The following WDR90 variants were observed in gnomAD, a reference collection of about 807,000 sequenced individuals.
WDR90 encodes the protein WD repeat-containing protein 90.
A neutral mutation model predicts 195.2 loss-of-function variants in WDR90; 238 were observed. The observed-to-expected ratio is 1.22, with a 90% CI of 1.10 to 1.36. WDR90 has a LOEUF of 1.36. Ranked by LOEUF, WDR90 falls within the 40% of genes most tolerant of loss-of-function variation. WDR90 has a pLI of 0.00. For synonymous variants in WDR90, 1,265 were observed against 1,052.4 expected, an observed-to-expected ratio of 1.20 and a Z score of -3.91; for missense variants, 2,734 against 2,439.5, an observed-to-expected ratio of 1.12 and a Z score of -2.54.
intron 31 of WDR90, 33 bp from the exon 32 acceptor site, chr16:661,858 T>A: frequency 1.3e-6 from 2 of 1,598,064 alleles, no homozygotes; most frequent in Non-Finnish European, 1.7e-6. Flanking sequence ...CCCGGGACAC[T>A]GCTGACCCAT....
At position 659,491 on chromosome 16, in the gene WDR90, C is replaced by T. The variant is rs566148280; in HGVS notation, c.3184+115C>T. The T allele has an allele frequency of 4.6e-5, 64 of 1,383,914 alleles. 2 individuals carry two copies. The South Asian group carries it at 7.3e-4, about 16-fold the overall frequency. The allele number at this position is 1,383,914 out of a possible 1,614,324, so 85.7% of individuals were successfully genotyped here. A position where few individuals can be genotyped will look rare whatever the true frequency, so the allele number is the denominator to read the frequency against. ...CTCTGGGGTGCAGGTGCCATCGCTG[C>T]TCATCAGGTGGAACACAGTGGGGTC... On this transcript the variant is annotated intron_variant, in intron 26 of 40. Transcript: ENST00000293879.
Position 657,747 on chromosome 16 carries a change from C to T in WDR90, c.2474-15C>T, listed in dbSNP as rs1169854419. 4 of 1,539,970 alleles carry T rather than the reference C, an allele frequency of 2.6e-6. No homozygotes were observed. The highest frequency in any genetic ancestry group is 2.8e-5 in the African/African-American group (2 of 72,530). On this transcript the variant is annotated splice_polypyrimidine_tract_variant and intron_variant, in intron 20 of 40. Coordinates refer to ENST00000293879, the MANE Select transcript of WDR90 (RefSeq NM_145294.5). Reference sequence around the variant, plus strand: ...CACTCCCCACCCAGCTGACCCCTGCCCCGTGTGGCCACAGCGGACATGGTA... The same window carrying T: ...CACTCCCCACCCAGCTGACCCCTGCTCCGTGTGGCCACAGCGGACATGGTA...
At chr16:655,515 G>A in intron 15 of WDR90, 47 bp downstream of exon 15, 5 of 1,542,752 alleles carry the variant, frequency 3.2e-6, no homozygotes, top group Non-Finnish European at 4.4e-6. Flanking sequence ...TGGGGGCCCT[G>A]GTGCCTGGGC....
Position 657,833 on chromosome 16 carries a change from G to A in WDR90, c.2545G>A (p.Ala849Thr). 1 of 1,581,504 alleles carries A rather than the reference G, an allele frequency of 6.3e-7. No individual in the cohort carries two copies. The highest frequency in any genetic ancestry group is 1.2e-5 in the South Asian group (1 of 86,844). ...AGTCAGCAGGGATGGCCGCCTGCTG[G>A]CCTTTGTGGGACCCTCCAGGTGCAC... Reference protein sequence around the residue: ...LAVSRDGRLLAFVGPSRCTVT... With the variant: ...LAVSRDGRLLTFVGPSRCTVT... Residue 849 changes from alanine to threonine, a missense_variant, in exon 21 of 41, where the codon GCC becomes ACC. Physicochemically the swap from Ala to Thr is moderately conservative, Grantham distance 58. Coordinates refer to ENST00000293879, the MANE Select transcript of WDR90 (RefSeq NM_145294.5).
chr16:654,906 C>G (rs751760544), intron 13 of WDR90, 123 bp from the exon 14 acceptor site: 27 of 863,782 alleles, frequency 3.1e-5, no homozygotes, highest in South Asian at 3.0e-4. Context: ...CACGGCCGCA[C>G]GCTCAGAGGC....
At chr16:651,569 C>G (rs2037646933) in intron 7 of WDR90, 75 bp from the exon 8 acceptor site, 1 of 1,450,938 alleles carries the variant, frequency 6.9e-7, no homozygotes, top group South Asian at 1.2e-5. Flanking sequence ...TGCTGCTGCC[C>G]TCCCCAGGCG....
chr16:662,440 G>T (rs1005819324), intron 33 of WDR90, 109 bp downstream of exon 33: 6 of 1,362,898 alleles, frequency 4.4e-6, no homozygotes, highest in Non-Finnish European at 6.0e-6. Flanking sequence ...CAGACCGGCC[G>T]CCTGCTAGCC....
intron 34 of WDR90, 112 bp from the exon 35 acceptor site, chr16:665,567 G>A (rs1343008308): frequency 5.8e-6 from 9 of 1,550,312 alleles, no homozygotes; most frequent in Middle Eastern, 1.7e-4. Context: ...GGGGCCAGAG[G>A]CACATGCTCT....
At chr16:654,675 C>T in intron 13 of WDR90, 1 of 292,200 alleles carries the variant, frequency 3.4e-6, no homozygotes. Flanking sequence ...GTCTCAAACT[C>T]CAGGGCTCAA....
intron 33 of WDR90, 157 bp downstream of exon 33, chr16:662,488 C>A: frequency 8.3e-7 from 1 of 1,198,526 alleles, no homozygotes; most frequent in Middle Eastern, 2.9e-4. Context: ...CTGGGCCTCA[C>A]TGGCTGCTGT....
In WDR90 at chr16:661,077, C is replaced by CTGG. The variant is rs755588923; in HGVS notation, c.3428_3430dup (p.Val1143dup). On this transcript the variant is annotated inframe_insertion, in exon 29 of 41. Coordinates refer to ENST00000293879, the MANE Select transcript of WDR90 (RefSeq NM_145294.5). ...CTTCTTTGCCTACACGTGCGGCCGC[C>CTGG]TGGTGGTGGTGGAGGACCTGCACTC... 46 of 1,455,802 alleles carry CTGG rather than the reference C, an allele frequency of 3.2e-5. No individual in the cohort carries two copies. Among genetic ancestry groups the CTGG allele is most frequent in the South Asian group, 1.1e-4 (9 of 81,730 alleles). 90.2% of individuals were successfully genotyped at this position (1,455,802 alleles called of 1,614,324 possible).
chr16:662,152 G>T (rs560822316), intron 32 of WDR90, 68 bp from the exon 33 acceptor site: 2 of 1,528,994 alleles, frequency 1.3e-6, no homozygotes, highest in Admixed American at 2.0e-5. Context: ...CCTGGCGTCC[G>T]GGCAGCCTTG....
In WDR90 at chr16:660,103, T is replaced by G. The variant is rs1355557081; in HGVS notation, c.3230T>G (p.Leu1077Arg). The change falls in exon 27 of 41, where the codon CTG (leucine) becomes CGG (arginine). Residue 1077 changes from leucine to arginine, a missense_variant. Leu to Arg is a moderately radical substitution (Grantham distance 102, BLOSUM62 -2). Transcript: ENST00000293879. ...TCGGGGGCCCCACGCACCACCTACCTGGCTTCCTGCAAGGCCTTCACGCCT... is the reference window on the plus strand; with the variant it reads ...TCGGGGGCCCCACGCACCACCTACCGGGCTTCCTGCAAGGCCTTCACGCCT... ...RNSGAPRTTYLASCKAFTPAR... is the reference protein window; with the variant it reads ...RNSGAPRTTYRASCKAFTPAR... 2.6e-6 allele frequency: 4 copies of G among 1,548,354 alleles called. No individual in the cohort carries two copies. Among genetic ancestry groups the G allele is most frequent in the African/African-American group, 1.4e-5 (1 of 73,308 alleles).
chr16:666,928 C>CT lies in WDR90; in HGVS notation c.5034dup (p.Ala1679CysfsTer19), dbSNP rs781254658. The CT allele has an allele frequency of 8.9e-5, 144 of 1,612,958 alleles. No individual in the cohort carries two copies. Among genetic ancestry groups the CT allele is most frequent in the Non-Finnish European group, 1.1e-4 (132 of 1,179,792 alleles). On this transcript the variant is annotated frameshift_variant, in exon 40 of 41. Coordinates refer to ENST00000293879, the MANE Select transcript of WDR90 (RefSeq NM_145294.5). LOFTEE classifies it high-confidence loss of function. ...AGGTGGTGGAGAAGATACCACTGCC[C>CT]TTTTTTGCCATGTCCCTGAGCCTGT...
upstream of WDR90, chr16:649,354 T>A: frequency 7.6e-7 from 1 of 1,321,106 alleles, no homozygotes; most frequent in Admixed American, 4.1e-5. Flanking sequence ...TTGCCTGGCG[T>A]CGCGGGGCGT....
Position 661,087 on chromosome 16 carries a change from T to C in WDR90, c.3428T>C (p.Val1143Ala). The C allele has an allele frequency of 6.9e-7, 1 of 1,450,748 alleles. No individual in the cohort carries two copies. The highest frequency in any genetic ancestry group is 4.0e-5 in the East Asian group (1 of 25,044). 89.9% of individuals were successfully genotyped at this position (1,450,748 alleles called of 1,614,324 possible). Residue 1143 changes from valine to alanine, a missense_variant, in exon 29 of 41, where the codon GTG becomes GCG. Physicochemically the swap from Val to Ala is moderately conservative, Grantham distance 64. Transcript: ENST00000293879. ...FAYTCGRLVV[V>A]EDLHSGAQQH... Reference sequence around the variant, plus strand: ...TACACGTGCGGCCGCCTGGTGGTGGTGGAGGACCTGCACTCTGGCGCCCAG... The same window carrying C: ...TACACGTGCGGCCGCCTGGTGGTGGCGGAGGACCTGCACTCTGGCGCCCAG...
At chr16:655,224 C>G (rs750902713) in intron 14 of WDR90, 77 bp downstream of exon 14, 13 of 1,612,086 alleles carry the variant, frequency 8.1e-6, no homozygotes, top group South Asian at 3.3e-5. Flanking sequence ...GCACCTCCCC[C>G]TGGCTTGGCT....
At chr16:660,257 C>T in intron 27 of WDR90, 96 bp downstream of exon 27, 1 of 1,158,530 alleles carries the variant, frequency 8.6e-7, no homozygotes, top group South Asian at 1.6e-5. Context: ...CTTTTGGTCG[C>T]CAAAGGTGAT....
chr16:653,723 G>A, intron 12 of WDR90, 23 bp from the exon 13 acceptor site: 11 of 1,613,232 alleles, frequency 6.8e-6, no homozygotes, highest in Non-Finnish European at 9.3e-6. Context: ...AGGCGACAAT[G>A]ACCACCTCCT....
Sources: allele counts gnomAD v4.1 joint callset, GRCh38; gene constraint gnomAD v4.1.1; transcripts MANE v1.5; gene names NCBI Gene and HGNC (gene_info 2026-07-23, HGNC 2026-07-21).